The following TNFSF4 variants were observed in gnomAD, a reference collection of about 807,000 sequenced individuals.
TNFSF4 encodes tumor necrosis factor ligand superfamily member 4.
A neutral mutation model predicts 7.3 loss-of-function variants in TNFSF4; 4 were observed. The observed-to-expected ratio is 0.55, with a 90% CI of 0.27 to 1.25. The LOEUF is 1.25. Ranked by LOEUF, TNFSF4 falls within the 50% of genes most tolerant of loss-of-function variation. The probability of loss-of-function intolerance (pLI) is 0.12; values close to 1 mark genes in which losing one functional copy is unlikely to be tolerated. For synonymous variants in TNFSF4, 76 were observed against 83.7 expected (o/e 0.91, Z 0.50); for missense variants, 181 against 208.8 (o/e 0.87, Z 0.82).
the TNFSF4 span, among the ~76,000 whole-genome samples, chr1:173,387,529 G>A: frequency 6.6e-6 from 1 of 152,104 alleles, no homozygotes; most frequent in Non-Finnish European, 1.5e-5. Context: ...TTGTTATAAA[G>A]CAAAGATGCA....
the TNFSF4 span, among the ~76,000 whole-genome samples, chr1:173,325,107 C>A: frequency 2.6e-5 from 4 of 152,072 alleles, no homozygotes; most frequent in East Asian, 7.7e-4. Flanking sequence ...TGACCACATA[C>A]TTGGAAGTAA....
the TNFSF4 span, among the ~76,000 whole-genome samples, chr1:173,319,191 G>A: frequency 1.3e-5 from 2 of 152,196 alleles, no homozygotes; most frequent in Admixed American, 1.3e-4. Flanking sequence ...GTTTTAGTAG[G>A]TGGTTTTCCC....
chr1:173,352,811 C>G, the TNFSF4 span, among the ~76,000 whole-genome samples: 1 of 152,070 alleles, frequency 6.6e-6, no homozygotes, highest in Non-Finnish European at 1.5e-5. Flanking sequence ...GAGGCCAGGG[C>G]GTATTTCATC....
chr1:173,268,703 T>A, the TNFSF4 span, among the ~76,000 whole-genome samples: 2 of 152,140 alleles, frequency 1.3e-5, no homozygotes, highest in African/African-American at 4.8e-5. Flanking sequence ...CAAAGTAGAT[T>A]TTTAAAACTC....
At chr1:173,334,772 G>A in the TNFSF4 span, among the ~76,000 whole-genome samples, 8 of 152,118 alleles carry the variant, frequency 5.3e-5, no homozygotes, top group African/African-American at 1.9e-4. Flanking sequence ...CTAGAAAATT[G>A]TAATGGTCTC....
the TNFSF4 span, among the ~76,000 whole-genome samples, chr1:173,437,372 T>C: frequency 6.6e-6 from 1 of 152,220 alleles, no homozygotes; most frequent in East Asian, 1.9e-4. Context: ...ATTTTTTTGT[T>C]GTAAATAGCT....
At chr1:173,301,469 C>T in the TNFSF4 span, among the ~76,000 whole-genome samples, 1 of 151,726 alleles carries the variant, frequency 6.6e-6, no homozygotes, top group Non-Finnish European at 1.5e-5. Flanking sequence ...AATAATTAAG[C>T]ACAGTGCCTG....
chr1:173,435,534 G>C, the TNFSF4 span, among the ~76,000 whole-genome samples: 4 of 152,202 alleles, frequency 2.6e-5, no homozygotes, highest in Non-Finnish European at 5.9e-5. Flanking sequence ...AGGCAGGAAG[G>C]AGCCCTCACT....
chr1:173,404,120 T>C, the TNFSF4 span, among the ~76,000 whole-genome samples: 1 of 152,170 alleles, frequency 6.6e-6, no homozygotes, highest in Non-Finnish European at 1.5e-5. Flanking sequence ...CGTGACCCCA[T>C]GTCTATTGAC....
At chr1:173,373,119 G>T in the TNFSF4 span, among the ~76,000 whole-genome samples, 1 of 152,180 alleles carries the variant, frequency 6.6e-6, no homozygotes, top group Admixed American at 6.5e-5. Flanking sequence ...AATCCTACAT[G>T]CCCATGCTGC....
the TNFSF4 span, among the ~76,000 whole-genome samples, chr1:173,264,719 A>G: frequency 6.6e-6 from 1 of 152,242 alleles, no homozygotes; most frequent in South Asian, 2.1e-4. Context: ...CTTCTGAATT[A>G]TAATTCTGAG....
downstream of TNFSF4, among the ~76,000 whole-genome samples, chr1:173,181,282 T>C (rs1228218052): frequency 6.6e-6 from 1 of 152,202 alleles, no homozygotes; most frequent in Non-Finnish European, 1.5e-5. Flanking sequence ...TATTTTGTTG[T>C]TATTGTTCTT....
chr1:173,420,812 G>A, the TNFSF4 span, among the ~76,000 whole-genome samples: 1 of 152,118 alleles, frequency 6.6e-6, no homozygotes, highest in Non-Finnish European at 1.5e-5. Flanking sequence ...TTATTACTGT[G>A]TAAGTCTAAA....
chr1:173,242,639 G>C, the TNFSF4 span, among the ~76,000 whole-genome samples: 1 of 152,092 alleles, frequency 6.6e-6, no homozygotes, highest in Non-Finnish European at 1.5e-5. Context: ...ATCAAATCAC[G>C]TGAGTCCCTA....
the TNFSF4 span, among the ~76,000 whole-genome samples, chr1:173,345,881 T>A: frequency 6.6e-6 from 1 of 152,148 alleles, no homozygotes; most frequent in Non-Finnish European, 1.5e-5. Context: ...CTCGGTGCAA[T>A]CCCACTGGTA....
At chr1:173,419,451 T>G in the TNFSF4 span, among the ~76,000 whole-genome samples, 1 of 152,156 alleles carries the variant, frequency 6.6e-6, no homozygotes, top group Non-Finnish European at 1.5e-5. Context: ...AAGAAGGCCT[T>G]CACCAAATGC....
the TNFSF4 span, chr1:173,363,751 C>A: frequency 5.2e-6 from 1 of 190,668 alleles, no homozygotes; most frequent in Non-Finnish European, 1.1e-5. Context: ...ACCCAGGGAG[C>A]CTCCACAGGT....
At chr1:173,424,563 G>A in the TNFSF4 span, among the ~76,000 whole-genome samples, 1 of 152,198 alleles carries the variant, frequency 6.6e-6, no homozygotes, top group African/African-American at 2.4e-5. Context: ...CAATGCTGTT[G>A]ATGCTGGATT....
At chr1:173,176,685 A>T in the TNFSF4 span, among the ~76,000 whole-genome samples, 4 of 152,194 alleles carry the variant, frequency 2.6e-5, no homozygotes, top group Non-Finnish European at 5.9e-5. Flanking sequence ...TATGTTCATC[A>T]CAGCACTATT....
Sources: gnomAD v4.1 joint callset for allele counts (sites outside exome capture counted in the v4.1 genomes callset) on GRCh38, gnomAD v4.1.1 for gene constraint, MANE v1.5 for transcripts, NCBI Gene and HGNC (gene_info 2026-07-23, HGNC 2026-07-21) for gene names.